SATB1: variants seen among roughly 807,000 people sequenced by gnomAD.
The protein encoded by SATB1 is SATB homeobox 1, also known as DNA-binding protein SATB1.
A neutral mutation model predicts 86.9 loss-of-function variants in SATB1; 11 were observed. That is an observed-to-expected ratio of 0.13 (90% CI 0.08 to 0.21). The LOEUF is 0.21. Ranked by LOEUF, SATB1 falls within the 10% of genes least tolerant of loss-of-function variation. The pLI is 1.00. For synonymous variants in SATB1, 357 were observed against 357.2 expected (o/e 1.00, Z 0.01); for missense variants, 551 against 937.6 (o/e 0.59, Z 5.39).
rs747889938 is a variant in SATB1, at chr3:18,386,358, A to T, written c.1419+41T>A. On this transcript the variant is annotated intron_variant, in intron 8 of 10. Coordinates refer to ENST00000338745, the MANE Select transcript of SATB1 (RefSeq NM_002971.6). This position sits in a 1 kb window ranked among gnomAD's most constrained non-coding sequence, Gnocchi z 4.5. Reference sequence around the variant, plus strand: ...AGATTCTTCCTCAAGCATTAAAAAAAAGCTAAACAAAGAAGGGCAAGGAGG... The same window carrying T: ...AGATTCTTCCTCAAGCATTAAAAAATAGCTAAACAAAGAAGGGCAAGGAGG... 2 of 1,483,928 alleles carry T rather than the reference A, an allele frequency of 1.3e-6. No individual in the cohort carries two copies. Among genetic ancestry groups the T allele is most frequent in the Non-Finnish European group, 1.9e-6 (2 of 1,074,786 alleles). 91.9% of individuals were successfully genotyped at this position (1,483,928 alleles called of 1,614,324 possible).
At position 18,379,083 on chromosome 3, in the gene SATB1, A is replaced by G. The variant is rs113329503; in HGVS notation, c.1420-758T>C. Among the ~76,000 whole-genome samples the G allele has an allele frequency of 2.8e-3, 432 of 152,342 alleles. 2 individuals carry two copies. The highest frequency in any genetic ancestry group is 0.01 in the African/African-American group (419 of 41,572). On this transcript the variant is annotated intron_variant, in intron 8 of 10. Transcript: ENST00000338745. ...TTGCTGTAAGCATCACAAAATATAT[A>G]ATCAGTGACTTTACTAATATATTCA...
Position 18,396,217 on chromosome 3 carries a change from A to C in SATB1, c.751+962T>G, listed in dbSNP as rs557735524. Among the ~76,000 whole-genome samples the C allele has an allele frequency of 8.3e-4, 127 of 152,318 alleles. No homozygotes were observed. In the Middle Eastern group the frequency reaches 0.01, roughly 12 times the overall value. On this transcript the variant is annotated intron_variant, in intron 6 of 10. Transcript: ENST00000338745. Reference sequence around the variant, plus strand: ...AAAGGCAAAGAATCCATTTTGGTAGATGGATGGTTTTTCTTCAAATATTAA... The same window carrying C: ...AAAGGCAAAGAATCCATTTTGGTAGCTGGATGGTTTTTCTTCAAATATTAA...
chr3:18,366,709 T>C (rs1695204875), intron 9 of SATB1, among the ~76,000 whole-genome samples: 1 of 152,148 alleles, frequency 6.6e-6, no homozygotes, highest in African/African-American at 2.4e-5. Context: ...CAGTCATCTA[T>C]CAACAAGTCT....
chr3:18,393,207 TGTGA>T (rs1696777824), intron 7 of SATB1, among the ~76,000 whole-genome samples: 1 of 151,860 alleles, frequency 6.6e-6, no homozygotes, highest in Non-Finnish European at 1.5e-5. Context: ...GAAAGGAAAA[TGTGA>T]GTCAGGTCAA....
intron 5 of SATB1, among the ~76,000 whole-genome samples, chr3:18,398,682 T>C (rs542677133): frequency 9.8e-4 from 150 of 152,294 alleles, no homozygotes; most frequent in Non-Finnish European, 1.4e-3. Flanking sequence ...AGTCGCATTA[T>C]TTATGTAAAA....
chr3:18,421,786 T>A (rs2125173331), intron 1 of SATB1, among the ~76,000 whole-genome samples: 1 of 151,904 alleles, frequency 6.6e-6, no homozygotes, highest in Admixed American at 6.6e-5. Flanking sequence ...ATAAATATTT[T>A]TAAAAAATTG....
Position 18,352,290 on chromosome 3 carries a change from T to C in SATB1, c.1576-95A>G. 2 of 1,063,118 alleles carry C rather than the reference T, an allele frequency of 1.9e-6. No homozygotes were observed. The highest frequency in any genetic ancestry group is 2.8e-6 in the Non-Finnish European group (2 of 713,528). The allele number at this position is 1,063,118 out of a possible 1,614,324, so 65.9% of individuals were successfully genotyped here. On this transcript the variant is annotated intron_variant, in intron 9 of 10. Coordinates refer to ENST00000338745, the MANE Select transcript of SATB1 (RefSeq NM_002971.6). This position sits in a 1 kb window ranked among gnomAD's most constrained non-coding sequence, Gnocchi z 4.1. ...AAAAGGAAAAACCCTATGAATTAAC[T>C]TTTTCATAAGCTCAGAACACACCAT...
At chr3:18,432,355 T>C (rs1233512867) in intron 2 of SATB1, among the ~76,000 whole-genome samples, 1 of 152,198 alleles carries the variant, frequency 6.6e-6, no homozygotes, top group African/African-American at 2.4e-5. Flanking sequence ...CAAATTTCCT[T>C]AGTTGATATG....
In SATB1 at chr3:18,435,188, A is replaced by T. The variant is rs567358313; in HGVS notation, c.-25+1601T>A. 3.3e-5 allele frequency: 5 copies of T among 152,292 alleles called. 1 individual carries two copies. In the East Asian group the frequency reaches 9.6e-4, roughly 29 times the overall value. The allele number at this position is 152,292 out of a possible 1,614,324, so 9.4% of individuals were successfully genotyped here. A position where few individuals can be genotyped will look rare whatever the true frequency, so the allele number is the denominator to read the frequency against. On this transcript the variant is annotated intron_variant, in intron 2 of 3. Coordinates refer to the SATB1 transcript ENST00000414509. The stretch of plus-strand genomic sequence containing the variant: ...AACCTATTCTGTTATTGTTATAATA[A>T]GGTTAAGTAGGCTTCTCCATGCTTA...
In SATB1 at chr3:18,349,458, C is replaced by T. The variant is rs747813924; in HGVS notation, c.2004G>A (p.Leu668=). 313 of 1,614,078 alleles carry T rather than the reference C, an allele frequency of 1.9e-4. No individual in the cohort carries two copies. In the Admixed American group the frequency reaches 5.1e-3, roughly 27 times the overall value. ...TCTGGATGGCCTCTTCGTCAGGGTA[C>T]AGGCCCACGTCTTGTATGAAACTCT... is the stretch of plus-strand genomic sequence containing the variant. ...ILQSFIQDVG[L]YPDEEAIQTL... Residue 668 remains leucine (L), a synonymous_variant, in exon 11 of 11, where the codon CTG becomes CTA. Transcript: ENST00000338745. This position sits in a 1 kb window ranked among gnomAD's most constrained non-coding sequence, Gnocchi z 5.5.
chr3:18,374,606 A>AT (rs1695649330), intron 9 of SATB1, among the ~76,000 whole-genome samples: 1 of 152,194 alleles, frequency 6.6e-6, no homozygotes, highest in Non-Finnish European at 1.5e-5. Flanking sequence ...TTTTACTTGC[A>AT]TATTTTATCA....
intron 5 of SATB1, among the ~76,000 whole-genome samples, chr3:18,408,133 T>C (rs1271659691): frequency 2.0e-5 from 3 of 152,056 alleles, no homozygotes; most frequent in Admixed American, 6.6e-5. Context: ...TTAGCATTTC[T>C]ATGGGAAAAT....
chr3:18,422,039 A>G (rs559924500), intron 1 of SATB1, among the ~76,000 whole-genome samples: 19 of 152,264 alleles, frequency 1.2e-4, no homozygotes, highest in South Asian at 6.2e-4. Context: ...GACAATATCA[A>G]AGTCATTTTT....
intron 7 of SATB1, among the ~76,000 whole-genome samples, chr3:18,393,315 T>C (rs545618900): frequency 6.7e-6 from 1 of 149,222 alleles, no homozygotes; most frequent in Non-Finnish European, 1.5e-5. Context: ...TACGCGGTTT[T>C]TCGTTTTTGT....
At chr3:18,353,298 A>G (rs994226759) in intron 9 of SATB1, among the ~76,000 whole-genome samples, 2 of 152,110 alleles carry the variant, frequency 1.3e-5, no homozygotes, top group African/African-American at 4.8e-5. Flanking sequence ...TTTACTCTCT[A>G]GAGACAGTCA....
intron 7 of SATB1, among the ~76,000 whole-genome samples, chr3:18,388,989 T>C (rs994136101): frequency 2.0e-5 from 3 of 152,120 alleles, no homozygotes; most frequent in African/African-American, 7.2e-5. Flanking sequence ...GTCATTTCCA[T>C]ATGGTTGAGA....
chr3:18,379,920 G>A (rs1203225388), intron 8 of SATB1, among the ~76,000 whole-genome samples: 1 of 152,140 alleles, frequency 6.6e-6, no homozygotes. Flanking sequence ...GTAAGCAAGG[G>A]CACTCATAGA....
At position 18,444,671 on chromosome 3, in the gene SATB1, C is replaced by T; in HGVS notation, c.-25+847G>A. The T allele has an allele frequency of 1.0e-6, 1 of 983,824 alleles. No homozygotes were observed. Among genetic ancestry groups the T allele is most frequent in the Non-Finnish European group, 1.2e-6 (1 of 829,432 alleles). The allele number at this position is 983,824 out of a possible 1,614,324, so 60.9% of individuals were successfully genotyped here. ...CGGGCCTGAAACCAAGAACGGCTCC[C>T]CGGGCGGGCGCGCCGGCGTCGGACT... On this transcript the variant is annotated intron_variant, in intron 1 of 3. Transcript: ENST00000415069. This position sits in a 1 kb window ranked among gnomAD's most constrained non-coding sequence, Gnocchi z 5.1.
Position 18,361,810 on chromosome 3 carries a change from A to C in SATB1, c.1576-9615T>G, listed in dbSNP as rs535053587. Among the ~76,000 whole-genome samples the C allele has an allele frequency of 5.7e-4, 87 of 152,324 alleles. 1 individual carries two copies. Among genetic ancestry groups the C allele is most frequent in the African/African-American group, 1.9e-3 (81 of 41,578 alleles). On this transcript the variant is annotated intron_variant, in intron 9 of 10. Coordinates refer to ENST00000338745, the MANE Select transcript of SATB1 (RefSeq NM_002971.6). The stretch of plus-strand genomic sequence containing the variant: ...CCTAAATACATCTCAGTGGGGAATT[A>C]AATGGTATGTTCAGCACATGAATAA...
Sources: gnomAD v4.1 joint callset for allele counts (sites outside exome capture counted in the v4.1 genomes callset) on GRCh38, gnomAD v4.1.1 for gene constraint, Gnocchi (gnomAD v3.1) non-coding constraint, MANE v1.5 for transcripts, NCBI Gene and HGNC (gene_info 2026-07-23, HGNC 2026-07-21) for gene names.